Variants in PLEKHA6 observed in about 807,000 individuals in gnomAD.
PLEKHA6 encodes the protein pleckstrin homology domain-containing family A member 6.
PLEKHA6 carries 60 observed loss-of-function variants against 116.7 expected under a neutral mutation model. The observed-to-expected ratio is 0.51, with a 90% confidence interval of 0.42 to 0.64. The LOEUF (loss-of-function observed/expected upper bound fraction) is 0.64, where lower values mean the gene tolerates loss of function less well. Ranked by LOEUF, PLEKHA6 falls within the 30% of genes least tolerant of loss-of-function variation. PLEKHA6 has a pLI of 0.00. For missense variants in PLEKHA6, 1,338 were observed against 1,422.7 expected, an observed-to-expected ratio of 0.94 and a Z score of 0.96; for synonymous variants, 489 against 556.1, an observed-to-expected ratio of 0.88 and a Z score of 1.70.
chr1:204,322,566 G>A (rs76441568), intron 1 of PLEKHA6, among the ~76,000 whole-genome samples: 11 of 152,270 alleles, frequency 7.2e-5, no homozygotes, highest in South Asian at 2.1e-4. Context: ...CTGCTTAGCC[G>A]GTGGTCTCAG....
At chr1:204,247,253 C>T in intron 13 of PLEKHA6, 112 bp downstream of exon 13, 1 of 650,586 alleles carries the variant, frequency 1.5e-6, no homozygotes. Context: ...TTATCTTCAT[C>T]CTGAAACTTA....
upstream of PLEKHA6, among the ~76,000 whole-genome samples, chr1:204,363,587 G>A (rs1673599594): frequency 1.3e-5 from 2 of 152,298 alleles, no homozygotes; most frequent in East Asian, 1.9e-4. Flanking sequence ...CAGTTTCACC[G>A]GCGGCGGCTT....
intron 1 of PLEKHA6, among the ~76,000 whole-genome samples, chr1:204,351,449 C>T (rs1433913016): frequency 6.6e-6 from 1 of 152,216 alleles, no homozygotes; most frequent in African/African-American, 2.4e-5. Context: ...AGCCTAACCC[C>T]AGGCCCTCTC....
chr1:204,244,252 C>A (rs957529859), intron 15 of PLEKHA6, among the ~76,000 whole-genome samples: 1 of 152,126 alleles, frequency 6.6e-6, no homozygotes, highest in African/African-American at 2.4e-5. Flanking sequence ...CTGCCTCAGC[C>A]TCCTGAGTAG....
At chr1:204,321,881 TG>T (rs1233103564) in intron 1 of PLEKHA6, among the ~76,000 whole-genome samples, 1 of 152,228 alleles carries the variant, frequency 6.6e-6, no homozygotes, top group East Asian at 1.9e-4. Context: ...CAGGCCCAAG[TG>T]GGCCCAGCCT....
intron 1 of PLEKHA6, among the ~76,000 whole-genome samples, chr1:204,304,362 G>A (rs1179822579): frequency 6.6e-6 from 1 of 152,186 alleles, no homozygotes; most frequent in Non-Finnish European, 1.5e-5. Context: ...GACTCAATAT[G>A]TTTATCAGTT....
chr1:204,332,077 G>A (rs557582590), intron 1 of PLEKHA6, among the ~76,000 whole-genome samples: 104 of 152,242 alleles, frequency 6.8e-4, no homozygotes, highest in African/African-American at 2.1e-3. Context: ...CCTGAGGGGC[G>A]GAGTGCTGGG....
chr1:204,336,158 A>G (rs1672640492), intron 1 of PLEKHA6, among the ~76,000 whole-genome samples: 1 of 152,016 alleles, frequency 6.6e-6, no homozygotes, highest in Non-Finnish European at 1.5e-5. Flanking sequence ...CTCATCACCA[A>G]CCAATCTTCC....
At position 204,261,954 on chromosome 1, in the gene PLEKHA6, C is replaced by T. The variant is rs1666174469; in HGVS notation, c.382-506G>A. On this transcript the variant is annotated intron_variant, in intron 6 of 22. Coordinates refer to ENST00000272203, the MANE Select transcript of PLEKHA6 (RefSeq NM_014935.5). The surrounding 1 kb of genome is among the most constrained non-coding windows in gnomAD (Gnocchi z 4.0). ...CAGGCACTGGCATACAGATGGGGCACACTACCTAGTTGGTGGCTGCGAGCA... is the reference window on the plus strand; with the variant it reads ...CAGGCACTGGCATACAGATGGGGCATACTACCTAGTTGGTGGCTGCGAGCA... 5.9e-6 allele frequency: 1 copy of T among 170,276 alleles called. No individual in the cohort carries two copies. Among genetic ancestry groups the T allele is most frequent in the Non-Finnish European group, 1.2e-5 (1 of 80,220 alleles). 10.5% of individuals were successfully genotyped at this position (170,276 alleles called of 1,614,324 possible).
intron 1 of PLEKHA6, among the ~76,000 whole-genome samples, chr1:204,329,021 A>G (rs1189067415): frequency 1.3e-5 from 2 of 152,236 alleles, no homozygotes; most frequent in South Asian, 4.2e-4. Context: ...GTGTTGCACT[A>G]CTTCTTGTGT....
Position 204,336,290 on chromosome 1 carries a change from C to T in PLEKHA6, c.-95+23404G>A, listed in dbSNP as rs200443478. ...GTGCCTCTACCTCTGGTCTGGTCTC[C>T]CTGCTCCCCGCAAGTGACAATCCAA... On this transcript the variant is annotated intron_variant, in intron 1 of 22. Transcript: ENST00000272203. Among the ~76,000 whole-genome samples, 9 of 152,322 alleles carry T rather than the reference C, an allele frequency of 5.9e-5. No individual in the cohort carries two copies. In the East Asian group the frequency reaches 1.7e-3, roughly 29 times the overall value.
At chr1:204,265,320 T>C (rs1348261860) in intron 5 of PLEKHA6, among the ~76,000 whole-genome samples, 1 of 152,098 alleles carries the variant, frequency 6.6e-6, no homozygotes. Flanking sequence ...GAATTTGCAT[T>C]CTAGTGCACA....
At chr1:204,247,843 G>A (rs896676224) in intron 12 of PLEKHA6, among the ~76,000 whole-genome samples, 20 of 152,062 alleles carry the variant, frequency 1.3e-4, no homozygotes, top group Admixed American at 1.0e-3. Flanking sequence ...TAGTCCTGGC[G>A]ACTTGGGGGC....
At position 204,245,791 on chromosome 1, in the gene PLEKHA6, C is replaced by T. The variant is rs977337478; in HGVS notation, c.1921-65G>A. ...AGGAGTGTCCAGCCCTTTCTCTCAG[C>T]CCAGACCCCTTGGAACCCACATCCC... On this transcript the variant is annotated intron_variant, in intron 13 of 22. Coordinates refer to ENST00000272203, the MANE Select transcript of PLEKHA6 (RefSeq NM_014935.5). 7 of 1,188,354 alleles carry T rather than the reference C, an allele frequency of 5.9e-6. No homozygotes were observed. In the African/African-American group the frequency reaches 8.9e-5, roughly 15 times the overall value. The allele number at this position is 1,188,354 out of a possible 1,614,324, so 73.6% of individuals were successfully genotyped here. A position where few individuals can be genotyped will look rare whatever the true frequency, so the allele number is the denominator to read the frequency against.
At chr1:204,320,522 A>T in intron 1 of PLEKHA6, 3 of 979,174 alleles carry the variant, frequency 3.1e-6, no homozygotes, top group Non-Finnish European at 3.6e-6. Context: ...AACAACTAGA[A>T]ACCATAACTT....
intron 1 of PLEKHA6, among the ~76,000 whole-genome samples, chr1:204,354,278 G>A (rs1673360107): frequency 6.6e-6 from 1 of 152,182 alleles, no homozygotes; most frequent in Non-Finnish European, 1.5e-5. Context: ...CTACCATGAA[G>A]CCTCAGCACT....
At chr1:204,319,796 G>T (rs1671990861) in intron 1 of PLEKHA6, among the ~76,000 whole-genome samples, 1 of 152,164 alleles carries the variant, frequency 6.6e-6, no homozygotes, top group Admixed American at 6.5e-5. Context: ...AGGGAGGAAA[G>T]GGAGGACAGA....
intron 5 of PLEKHA6, among the ~76,000 whole-genome samples, chr1:204,265,727 G>C (rs1242181718): frequency 1.3e-5 from 2 of 152,218 alleles, no homozygotes; most frequent in African/African-American, 4.8e-5. Flanking sequence ...CTGGCACTCA[G>C]AGCCTGCTTT....
Position 204,244,930 on chromosome 1 carries a change from G to C in PLEKHA6, c.2106C>G (p.Ser702Arg). ...ACACCAGTGAAAAGGGGCTCAGGGG[G>C]CTGGTGAGGCTGGCAGAGCTGAGGG... ...ASPLSSASLT[S>R]PLSPFSLVSG... Residue 702 changes from serine (S) to arginine (R), a missense_variant, in exon 15 of 23, where the codon AGC (serine) becomes AGG (arginine). Around this residue, in one of 3 missense-constraint regions of PLEKHA6, gnomAD observed 1,136 missense variants for 1,163.6 expected, o/e 0.98. Coordinates refer to ENST00000272203, the MANE Select transcript of PLEKHA6 (RefSeq NM_014935.5). 1.3e-6 allele frequency: 2 copies of C among 1,507,838 alleles called. No homozygotes were observed. Among genetic ancestry groups the C allele is most frequent in the Non-Finnish European group, 1.8e-6 (2 of 1,122,772 alleles). 93.4% of individuals were successfully genotyped at this position (1,507,838 alleles called of 1,614,324 possible).
Sources: allele counts gnomAD v4.1 joint callset (sites outside exome capture counted in the v4.1 genomes callset), GRCh38; gene constraint gnomAD v4.1.1; regional missense constraint gnomAD v4.1.1; non-coding constraint Gnocchi (gnomAD v3.1); transcripts MANE v1.5; gene names NCBI Gene and HGNC (gene_info 2026-07-23, HGNC 2026-07-21).